RSRC1: variants seen among roughly 807,000 people sequenced by gnomAD.
The protein encoded by RSRC1 is arginine and serine rich coiled-coil 1.
RSRC1 carries 39 observed loss-of-function variants against 49.1 expected under a neutral mutation model. The ratio of observed to expected loss-of-function variants is 0.79; its 90% CI spans 0.61 to 1.04. RSRC1 has a LOEUF of 1.04. Among genes scored for constraint, RSRC1 ranks in the 50% least tolerant of loss-of-function variants. RSRC1 has a pLI of 0.00. For synonymous variants in RSRC1, 143 were observed against 130.8 expected (o/e 1.09, Z -0.63); for missense variants, 388 against 402.4 (o/e 0.96, Z 0.31).
chr3:158,161,033 T>C (rs894930136), intron 3 of RSRC1, among the ~76,000 whole-genome samples: 1 of 152,196 alleles, frequency 6.6e-6, no homozygotes, highest in Non-Finnish European at 1.5e-5. Context: ...GTTTACTCTT[T>C]TTTTCCCCCT....
At chr3:158,443,340 A>G (rs916741191) in intron 6 of RSRC1, among the ~76,000 whole-genome samples, 4 of 152,158 alleles carry the variant, frequency 2.6e-5, no homozygotes, top group African/African-American at 4.8e-5. Context: ...GCCTTCATCA[A>G]TGATCTTAGC....
chr3:158,458,077 G>A (rs1737434071), intron 6 of RSRC1, among the ~76,000 whole-genome samples: 2 of 152,102 alleles, frequency 1.3e-5, no homozygotes, highest in Non-Finnish European at 2.9e-5. Context: ...AAAGTTTGGA[G>A]TCACATGGCA....
At chr3:158,252,817 CTG>C (rs1724298242) in intron 4 of RSRC1, among the ~76,000 whole-genome samples, 1 of 152,064 alleles carries the variant, frequency 6.6e-6, no homozygotes. Flanking sequence ...TCTTAGTAGA[CTG>C]TATGTGTCTA....
intron 6 of RSRC1, among the ~76,000 whole-genome samples, chr3:158,368,495 G>A (rs1383013323): frequency 2.0e-5 from 3 of 152,198 alleles, no homozygotes; most frequent in African/African-American, 7.2e-5. Flanking sequence ...GGGCTGACAG[G>A]GAGCAGGTTC....
At chr3:158,256,686 A>G (rs1319638941) in intron 4 of RSRC1, among the ~76,000 whole-genome samples, 1 of 152,176 alleles carries the variant, frequency 6.6e-6, no homozygotes, top group Non-Finnish European at 1.5e-5. Flanking sequence ...TTCGGCTGTG[A>G]ATCCATCTGT....
rs1560063387 is a variant in RSRC1, at chr3:158,490,266, A to G, written c.652+29263A>G. 3.9e-5 allele frequency among the ~76,000 whole-genome samples: 6 copies of G among 152,220 alleles called. No homozygotes were observed. In the South Asian group the frequency reaches 1.2e-3, roughly 32 times the overall value. On this transcript the variant is annotated intron_variant, in intron 7 of 9. Transcript: ENST00000611884. ...CACCCAGCTAATTTTTTGTGTTTTT[A>G]GTAGAGATGGGGTTTCACCACGTTA...
At chr3:158,529,727 C>T (rs140639764) in intron 7 of RSRC1, among the ~76,000 whole-genome samples, 1 of 151,846 alleles carries the variant, frequency 6.6e-6, no homozygotes, top group African/African-American at 2.4e-5. Context: ...CAAAAATTTC[C>T]GTGGACATAT....
In RSRC1 at chr3:158,544,325, T is replaced by G; in HGVS notation, c.*50T>G. ...ATTGTCAGCAGTAACATTGGAAATTTAGGTTTTTAAATCCCAATATTAACT... is the reference window on the plus strand; with the variant it reads ...ATTGTCAGCAGTAACATTGGAAATTGAGGTTTTTAAATCCCAATATTAACT... On this transcript the variant is annotated 3_prime_UTR_variant, in exon 10 of 10. Transcript: ENST00000611884. The G allele has an allele frequency of 8.0e-7, 1 of 1,249,572 alleles. No individual in the cohort carries two copies. The highest frequency in any genetic ancestry group is 1.1e-6 in the Non-Finnish European group (1 of 888,178). 77.4% of individuals were successfully genotyped at this position (1,249,572 alleles called of 1,614,324 possible). A position where few individuals can be genotyped will look rare whatever the true frequency, so the allele number is the denominator to read the frequency against.
At chr3:158,275,890 A>G (rs1725781957) in intron 4 of RSRC1, 2 of 663,296 alleles carry the variant, frequency 3.0e-6, no homozygotes, top group South Asian at 3.1e-5. Flanking sequence ...GGTGGAACTT[A>G]TGGCCCTTTC....
At chr3:158,262,953 T>G (rs827111) in intron 4 of RSRC1, among the ~76,000 whole-genome samples, 72,259 of 151,746 alleles carry the variant, frequency 0.48, 17,762 homozygotes, top group East Asian at 0.65. Flanking sequence ...TAAATTGAGG[T>G]TTTTACATAT....
At chr3:158,153,053 G>T (rs1717645805) in intron 3 of RSRC1, among the ~76,000 whole-genome samples, 1 of 152,182 alleles carries the variant, frequency 6.6e-6, no homozygotes, top group Non-Finnish European at 1.5e-5. Flanking sequence ...CCTGAGGAAA[G>T]CAGGTGGAGT....
rs200895757 is a variant in RSRC1 at position 158,298,110 on chromosome 3, T to A, written c.531+35T>A. 6.3e-5 allele frequency: 92 copies of A among 1,454,768 alleles called. No homozygotes were observed. In the Middle Eastern group the frequency reaches 1.2e-3, roughly 19 times the overall value. The allele number at this position is 1,454,768 out of a possible 1,614,324, so 90.1% of individuals were successfully genotyped here. On this transcript the variant is annotated intron_variant, in intron 5 of 9. Transcript: ENST00000611884. ...CATTTTCTCTTGAACATTTGCATCA[T>A]CTTTGATATCTGCATTCTAAATGAA... is the stretch of plus-strand genomic sequence containing the variant.
At chr3:158,470,923 A>T (rs1285936691) in intron 7 of RSRC1, among the ~76,000 whole-genome samples, 1 of 152,222 alleles carries the variant, frequency 6.6e-6, no homozygotes, top group African/African-American at 2.4e-5. Flanking sequence ...GTTAGACTGT[A>T]CTAGAAGAGA....
intron 4 of RSRC1, among the ~76,000 whole-genome samples, chr3:158,267,858 CTATTTTT>C (rs1320766998): frequency 0.013 from 1,155 of 91,234 alleles, 41 homozygotes; most frequent in African/African-American, 0.044. Context: ...GTTTCCATAT[CTATTTTT>C]TTTTTTTTTT....
intron 6 of RSRC1, among the ~76,000 whole-genome samples, chr3:158,381,045 A>G (rs1732669655): frequency 6.6e-6 from 1 of 152,232 alleles, no homozygotes; most frequent in Admixed American, 6.5e-5. Flanking sequence ...GTGAAAATTA[A>G]GAAAAAGTCA....
chr3:158,174,567 T>C (rs1332333984), intron 3 of RSRC1, among the ~76,000 whole-genome samples: 1 of 152,000 alleles, frequency 6.6e-6, no homozygotes, highest in Non-Finnish European at 1.5e-5. Flanking sequence ...TACTGACTTC[T>C]AAATCCATTT....
chr3:158,225,665 A>G (rs1249888485), intron 4 of RSRC1: 2 of 451,874 alleles, frequency 4.4e-6, no homozygotes, highest in South Asian at 3.2e-5. Flanking sequence ...AGATTTCACC[A>G]AAAGAATTGT....
At chr3:158,508,445 ATAAC>A (rs56087202) in intron 7 of RSRC1, among the ~76,000 whole-genome samples, 46,544 of 151,420 alleles carry the variant, frequency 0.31, 7,283 homozygotes, top group South Asian at 0.41. Context: ...TCCACAATAT[ATAAC>A]TAAAGTCTGT....
At chr3:158,319,310 CT>C (rs1728629994) in intron 5 of RSRC1, among the ~76,000 whole-genome samples, 1 of 152,160 alleles carries the variant, frequency 6.6e-6, no homozygotes, top group African/African-American at 2.4e-5. Context: ...ACTCTCTCCC[CT>C]GCCACCACGT....
Sources: gnomAD v4.1 joint callset for allele counts (sites outside exome capture counted in the v4.1 genomes callset) on GRCh38, gnomAD v4.1.1 for gene constraint, MANE v1.5 for transcripts, NCBI Gene and HGNC (gene_info 2026-07-23, HGNC 2026-07-21) for gene names.